The following NAV2 variants were observed in gnomAD, a reference collection of about 807,000 sequenced individuals.
NAV2 encodes neuron navigator 2.
NAV2 carries 54 observed loss-of-function variants against 223.2 expected under a neutral mutation model. The observed-to-expected ratio is 0.24, with a 90% confidence interval of 0.19 to 0.30. The LOEUF is 0.30. Ranked by LOEUF, NAV2 falls within the 10% of genes least tolerant of loss-of-function variation. The pLI, the probability that NAV2 is intolerant of heterozygous loss-of-function variation, is 1.00. For synonymous variants in NAV2, 1,279 were observed against 1,239.3 expected (o/e 1.03, Z -0.67); for missense variants, 2,806 against 3,147.5 (o/e 0.89, Z 2.60).
intron 1 of NAV2, among the ~76,000 whole-genome samples, chr11:19,795,556 TAAA>T: frequency 6.6e-6 from 1 of 152,244 alleles, no homozygotes; most frequent in Non-Finnish European, 1.5e-5. Context: ...TGAAATCTTA[TAAA>T]TTATACCATA....
chr11:19,683,079 G>T (rs1033602772), intron 1 of NAV2, among the ~76,000 whole-genome samples: 1 of 152,176 alleles, frequency 6.6e-6, no homozygotes, highest in African/African-American at 2.4e-5. Flanking sequence ...TTCAGTGACT[G>T]CTTTGGTTCA....
Position 20,083,077 on chromosome 11 carries a change from T to C in NAV2, c.5396T>C (p.Ile1799Thr). The change falls in exon 26 of 38, where the codon ATT becomes ACT. Residue 1799 changes from isoleucine (I) to threonine (T), a missense_variant. Physicochemically the swap from Ile to Thr is moderately conservative, Grantham distance 89 (BLOSUM62 -1). Transcript: ENST00000349880. ...AAATCTGCGTCCTCTCATTCAGATATTGAGGAGATGACGGATTCTTCTTTG... is the reference window on the plus strand; with the variant it reads ...AAATCTGCGTCCTCTCATTCAGATACTGAGGAGATGACGGATTCTTCTTTG... The part of the protein sequence containing the change: ...SPKSASSHSD[I>T]EEMTDSSLPS... 6.2e-7 allele frequency: 1 copy of C among 1,614,126 alleles called. No homozygotes were observed. Among genetic ancestry groups the C allele is most frequent in the African/African-American group, 1.3e-5 (1 of 75,030 alleles).
chr11:19,846,513 T>C (rs773398778), intron 3 of NAV2, among the ~76,000 whole-genome samples: 13 of 152,194 alleles, frequency 8.5e-5, no homozygotes, highest in Admixed American at 6.5e-5. Flanking sequence ...CATCAATTCC[T>C]GTGGACAGAA....
chr11:19,364,944 G>T (rs189665680), intron 1 of NAV2, among the ~76,000 whole-genome samples: 1 of 152,146 alleles, frequency 6.6e-6, no homozygotes, highest in African/African-American at 2.4e-5. Flanking sequence ...GTTTTCGTTC[G>T]TTCACCTTCT....
At chr11:19,774,603 C>T (rs76831863) in intron 1 of NAV2, among the ~76,000 whole-genome samples, 13,016 of 152,196 alleles carry the variant, frequency 0.086, 771 homozygotes, top group Non-Finnish European at 0.13. Context: ...ATGGTAGGGA[C>T]ACACACATAC....
At chr11:19,840,623 C>T (rs1450707767) in intron 2 of NAV2, among the ~76,000 whole-genome samples, 3 of 152,156 alleles carry the variant, frequency 2.0e-5, no homozygotes, top group Non-Finnish European at 2.9e-5. Context: ...AATCCAAGGT[C>T]AGAGCTCATG....
chr11:19,893,490 A>C (rs1048166130), intron 6 of NAV2, among the ~76,000 whole-genome samples: 3 of 152,094 alleles, frequency 2.0e-5, no homozygotes, highest in African/African-American at 7.2e-5. Flanking sequence ...CACTCCCTAA[A>C]GTGCCCCAGG....
chr11:19,462,540 A>C (rs897678111), intron 1 of NAV2, among the ~76,000 whole-genome samples: 1 of 152,226 alleles, frequency 6.6e-6, no homozygotes, highest in Non-Finnish European at 1.5e-5. Flanking sequence ...AATCAGCAAT[A>C]ATTCCTCTCT....
chr11:19,668,884 A>G (rs2048500964), intron 1 of NAV2, among the ~76,000 whole-genome samples: 1 of 152,144 alleles, frequency 6.6e-6, no homozygotes. Context: ...ACAGACAATA[A>G]TCTCCTATTT....
intron 1 of NAV2, among the ~76,000 whole-genome samples, chr11:19,776,577 G>GGTGTGT (rs71050684): frequency 0.051 from 5,920 of 116,150 alleles, 344 homozygotes; most frequent in African/African-American, 0.096. Flanking sequence ...CTGGGGCAGG[G>GGTGTGT]GTGTGTGTGT....
intron 3 of NAV2, among the ~76,000 whole-genome samples, chr11:19,866,020 C>T (rs2153038078): frequency 6.6e-6 from 1 of 152,338 alleles, no homozygotes; most frequent in African/African-American, 2.4e-5. Flanking sequence ...CCTGTGTAAT[C>T]TTGGTCAAAA....
chr11:19,467,014 C>CAG (rs772456782), intron 1 of NAV2, among the ~76,000 whole-genome samples: 161 of 139,128 alleles, frequency 1.2e-3, no homozygotes, highest in Middle Eastern at 7.2e-3. Context: ...CACACACACA[C>CAG]ACACAGAGAG....
At chr11:19,956,035 G>C (rs1026183925) in intron 10 of NAV2, among the ~76,000 whole-genome samples, 2 of 152,140 alleles carry the variant, frequency 1.3e-5, no homozygotes, top group Non-Finnish European at 2.9e-5. Flanking sequence ...TTGGCTTTTG[G>C]CGCTCTTGGA....
intron 36 of NAV2, among the ~76,000 whole-genome samples, chr11:20,108,578 G>C (rs1401772180): frequency 7.3e-5 from 11 of 151,314 alleles, no homozygotes; most frequent in Admixed American, 7.2e-4. Context: ...AAGTAGCTGG[G>C]ATTACAGGCG....
intron 1 of NAV2, among the ~76,000 whole-genome samples, chr11:19,501,822 C>G (rs2042971680): frequency 6.6e-6 from 1 of 152,102 alleles, no homozygotes; most frequent in Non-Finnish European, 1.5e-5. Context: ...GGCGTCTCTT[C>G]TTTCCACAGG....
At chr11:19,352,658 A>G (rs1487925382) in intron 1 of NAV2, among the ~76,000 whole-genome samples, 1 of 152,250 alleles carries the variant, frequency 6.6e-6, no homozygotes, top group Non-Finnish European at 1.5e-5. Context: ...TGTAAGATCC[A>G]TTTTAATGAG....
At chr11:19,769,132 A>G (rs2055491341) in intron 1 of NAV2, among the ~76,000 whole-genome samples, 1 of 152,202 alleles carries the variant, frequency 6.6e-6, no homozygotes, top group Non-Finnish European at 1.5e-5. Context: ...AACTGATGTG[A>G]GAGTGTTTTT....
chr11:20,098,818 A>G (rs575987680), intron 31 of NAV2, among the ~76,000 whole-genome samples: 2 of 152,334 alleles, frequency 1.3e-5, no homozygotes, highest in East Asian at 3.9e-4. Context: ...GCCTTGGGCA[A>G]TCCAGGGGTA....
chr11:19,603,095 A>C (rs773296384), intron 1 of NAV2, among the ~76,000 whole-genome samples: 1 of 152,204 alleles, frequency 6.6e-6, no homozygotes, highest in Non-Finnish European at 1.5e-5. Context: ...GTTACGTAGG[A>C]CCAGACCACA....
Sources: gnomAD v4.1 joint callset for allele counts (sites outside exome capture counted in the v4.1 genomes callset) on GRCh38, gnomAD v4.1.1 for gene constraint, MANE v1.5 for transcripts, NCBI Gene and HGNC (gene_info 2026-07-23, HGNC 2026-07-21) for gene names.